BRWD1: variants seen among roughly 807,000 people sequenced by gnomAD.
The protein encoded by BRWD1 is bromodomain and WD repeat domain containing 1.
Under a neutral mutation model 251.2 loss-of-function variants are expected in BRWD1, and 82 were observed. The observed-to-expected ratio is 0.33, with a 90% confidence interval of 0.27 to 0.39. The LOEUF is 0.39. BRWD1 is among the 10% of genes least tolerant of loss of function. The probability of loss-of-function intolerance (pLI) is 1.00; values close to 1 mark genes in which losing one functional copy is unlikely to be tolerated. For synonymous variants in BRWD1, 918 were observed against 902.8 expected (o/e 1.02, Z -0.30); for missense variants, 2,233 against 2,711.6 (o/e 0.82, Z 3.92).
chr21:39,305,710 AG>A (rs2036263985), intron 4 of BRWD1, among the ~76,000 whole-genome samples: 1 of 152,114 alleles, frequency 6.6e-6, no homozygotes, highest in African/African-American at 2.4e-5. Flanking sequence ...TAAAAATTCA[AG>A]AATTAGCTGG....
Position 39,190,723 on chromosome 21 carries a change from G to A in BRWD1, c.*5536C>T. 1 of 985,368 alleles carries A rather than the reference G, an allele frequency of 1.0e-6. No individual in the cohort carries two copies. The allele number at this position is 985,368 out of a possible 1,614,324, so 61.0% of individuals were successfully genotyped here. ...AAACTGAAGTACCCCAATGGCTGTAGAATAAAATGGTTTCTGTAACTTGCT... is the reference window on the plus strand; with the variant it reads ...AAACTGAAGTACCCCAATGGCTGTAAAATAAAATGGTTTCTGTAACTTGCT... On this transcript the variant is annotated 3_prime_UTR_variant, in exon 41 of 41. Coordinates refer to ENST00000342449, the MANE Select transcript of BRWD1 (RefSeq NM_033656.4).
At chr21:39,209,192 T>TA (rs2032546476) in intron 36 of BRWD1, among the ~76,000 whole-genome samples, 1 of 151,980 alleles carries the variant, frequency 6.6e-6, no homozygotes, top group Non-Finnish European at 1.5e-5. Context: ...TCAGATAACA[T>TA]AAAGAAATAA....
At chr21:39,259,196 A>G (rs1424023999) in intron 17 of BRWD1, among the ~76,000 whole-genome samples, 1 of 152,206 alleles carries the variant, frequency 6.6e-6, no homozygotes, top group Non-Finnish European at 1.5e-5. Flanking sequence ...GAACAGTGCA[A>G]TTGATGGTGG....
chr21:39,291,269 A>G (rs2035799446), intron 8 of BRWD1, among the ~76,000 whole-genome samples: 1 of 152,220 alleles, frequency 6.6e-6, no homozygotes, highest in South Asian at 2.1e-4. Flanking sequence ...TACACAGCCT[A>G]GGTGAATGTG....
rs2036600339 is a variant in BRWD1, at chr21:39,313,602, C to T, written c.-111G>A. 3 of 863,944 alleles carry T rather than the reference C, an allele frequency of 3.5e-6. No individual in the cohort carries two copies. Among genetic ancestry groups the T allele is most frequent in the Non-Finnish European group, 4.6e-6 (3 of 654,490 alleles). 53.5% of individuals were successfully genotyped at this position (863,944 alleles called of 1,614,324 possible). A position where few individuals can be genotyped will look rare whatever the true frequency, so the allele number is the denominator to read the frequency against. On this transcript the variant is annotated 5_prime_UTR_variant, in exon 1 of 41. Coordinates refer to ENST00000342449, the MANE Select transcript of BRWD1 (RefSeq NM_033656.4). ...CTTCTCAGGCGCGCGCCGCCGCCGC[C>T]GCCGCCGCCGCCATACCGTGCGCGC... is the stretch of plus-strand genomic sequence containing the variant.
Position 39,278,725 on chromosome 21 carries a change from A to G in BRWD1, c.1003+18T>C. 2 of 1,554,912 alleles carry G rather than the reference A, an allele frequency of 1.3e-6. No individual in the cohort carries two copies. Among genetic ancestry groups the G allele is most frequent in the South Asian group, 2.5e-5 (2 of 81,220 alleles). On this transcript the variant is annotated intron_variant, in intron 10 of 40. Transcript: ENST00000342449. Reference sequence around the variant, plus strand: ...TTAAAAAAAAAAAACTAAGAAAAAAATGTGAAGAAGTTCTTACCAACACTA... The same window carrying G: ...TTAAAAAAAAAAAACTAAGAAAAAAGTGTGAAGAAGTTCTTACCAACACTA...
In BRWD1 at chr21:39,191,743, G is replaced by A. The variant is rs911253248; in HGVS notation, c.*4516C>T. 31 of 985,192 alleles carry A rather than the reference G, an allele frequency of 3.1e-5. No individual in the cohort carries two copies. The African/African-American group carries it at 5.1e-4, about 16-fold the overall frequency. The allele number at this position is 985,192 out of a possible 1,614,324, so 61.0% of individuals were successfully genotyped here. A position where few individuals can be genotyped will look rare whatever the true frequency, so the allele number is the denominator to read the frequency against. ...AAAACAAAGGGGTAGAGCTGCTACA[G>A]TCCATCTAGGCTCTATATACTGGTC... On this transcript the variant is annotated 3_prime_UTR_variant, in exon 41 of 41. Coordinates refer to ENST00000342449, the MANE Select transcript of BRWD1 (RefSeq NM_033656.4).
chr21:39,263,817 G>A (rs553956827), intron 17 of BRWD1, among the ~76,000 whole-genome samples: 1 of 152,078 alleles, frequency 6.6e-6, no homozygotes, highest in Non-Finnish European at 1.5e-5. Context: ...AAAATACTAA[G>A]TTTATAGTGT....
chr21:39,270,510 A>G, intron 13 of BRWD1, 77 bp from the exon 14 acceptor site: 1 of 1,244,468 alleles, frequency 8.0e-7, no homozygotes, highest in Non-Finnish European at 1.1e-6. Flanking sequence ...CATCAATACA[A>G]AAATAAAGAA....
chr21:39,189,550 C>A lies in BRWD1; in HGVS notation c.*6709G>T, dbSNP rs1332335005. The A allele has an allele frequency of 2.0e-6, 2 of 983,628 alleles. No homozygotes were observed. The highest frequency in any genetic ancestry group is 2.4e-6 in the Non-Finnish European group (2 of 828,754). 60.9% of individuals were successfully genotyped at this position (983,628 alleles called of 1,614,324 possible). On this transcript the variant is annotated 3_prime_UTR_variant, in exon 41 of 41. Coordinates refer to ENST00000342449, the MANE Select transcript of BRWD1 (RefSeq NM_033656.4). ...AAATTTGAACTTCAGTAACTATGCC[C>A]AAGGGAGGGAGAATTTGAATTACAC...
chr21:39,296,427 A>T, intron 5 of BRWD1, 64 bp from the exon 6 acceptor site: 2 of 1,468,440 alleles, frequency 1.4e-6, no homozygotes, highest in Non-Finnish European at 1.8e-6. Flanking sequence ...GATTTTATAG[A>T]ATACTTACGT....
chr21:39,218,798 T>G (rs940113182), intron 29 of BRWD1, 138 bp from the exon 30 acceptor site: 32 of 629,988 alleles, frequency 5.1e-5, no homozygotes, highest in African/African-American at 4.4e-4. Context: ...TGTGCAACTC[T>G]TTTAAAATTA....
chr21:39,272,304 A>AT (rs1491262042), intron 13 of BRWD1, among the ~76,000 whole-genome samples: 8 of 123,050 alleles, frequency 6.5e-5, no homozygotes, highest in African/African-American at 2.3e-4. Flanking sequence ...TAAAACTTAA[A>AT]TAAATAAAAA....
chr21:39,260,605 A>G (rs1046713935), intron 17 of BRWD1, among the ~76,000 whole-genome samples: 1 of 152,194 alleles, frequency 6.6e-6, no homozygotes, highest in Admixed American at 6.5e-5. Flanking sequence ...AAACAACTAC[A>G]ATACTGGAAA....
At chr21:39,274,297 C>CAGAGCG (rs1364138608) in intron 13 of BRWD1, 77 bp downstream of exon 13, 30 of 1,077,388 alleles carry the variant, frequency 2.8e-5, no homozygotes, top group Admixed American at 1.1e-4. Flanking sequence ...CTGAGAGACA[C>CAGAGCG]AGAGAGCGAG....
At chr21:39,272,289 T>A in intron 13 of BRWD1, among the ~76,000 whole-genome samples, 1 of 138,296 alleles carries the variant, frequency 7.2e-6, no homozygotes, top group Non-Finnish European at 1.5e-5. Flanking sequence ...TGTGCACATG[T>A]ACCCTAAAAC....
At chr21:39,252,225 G>A (rs2034418245) in intron 19 of BRWD1, among the ~76,000 whole-genome samples, 1 of 142,498 alleles carries the variant, frequency 7.0e-6, no homozygotes, top group Non-Finnish European at 1.5e-5. Context: ...CTCCAGCCTG[G>A]GCAACAAAAG....
intron 9 of BRWD1, 64 bp downstream of exon 9, chr21:39,280,084 T>C: frequency 8.4e-7 from 1 of 1,197,208 alleles, no homozygotes; most frequent in South Asian, 1.5e-5. Flanking sequence ...AAAACTTCAT[T>C]TCATTAGATT....
intron 8 of BRWD1, among the ~76,000 whole-genome samples, chr21:39,281,379 A>C (rs2035452218): frequency 2.0e-5 from 3 of 152,192 alleles, no homozygotes; most frequent in Non-Finnish European, 1.5e-5. Context: ...GGGAGGAAAG[A>C]CCAAAAGAGA....
Sources: allele counts gnomAD v4.1 joint callset (sites outside exome capture counted in the v4.1 genomes callset), GRCh38; gene constraint gnomAD v4.1.1; transcripts MANE v1.5; gene names NCBI Gene and HGNC (gene_info 2026-07-23, HGNC 2026-07-21).